Variants in TDRD3 observed in about 807,000 individuals in gnomAD.
The protein encoded by TDRD3 is tudor domain containing 3.
In TDRD3, 45 loss-of-function variants were observed where a neutral mutation model predicts 86.7. That is an observed-to-expected ratio of 0.52 (90% CI 0.41 to 0.67). The LOEUF (loss-of-function observed/expected upper bound fraction) is 0.67. Ranked by LOEUF, TDRD3 falls within the 30% of genes least tolerant of loss-of-function variation. The pLI is 0.00. For missense variants in TDRD3, 814 were observed against 889.0 expected (o/e 0.92, Z 1.07); for synonymous variants, 298 against 301.7 (o/e 0.99, Z 0.13).
intron 10 of TDRD3, among the ~76,000 whole-genome samples, chr13:60,526,621 T>G (rs1288332344): frequency 1.3e-5 from 2 of 151,960 alleles, no homozygotes; most frequent in Non-Finnish European, 2.9e-5. Flanking sequence ...GGAAAGTTTT[T>G]TTTTTTTTTT....
At chr13:60,489,908 A>G (rs1956543477) in intron 7 of TDRD3, among the ~76,000 whole-genome samples, 1 of 152,172 alleles carries the variant, frequency 6.6e-6, no homozygotes, top group African/African-American at 2.4e-5. Flanking sequence ...TCTCAAATGA[A>G]CTTTTCTACC....
At chr13:60,479,411 C>T (rs1871045191) in intron 5 of TDRD3, among the ~76,000 whole-genome samples, 1 of 152,160 alleles carries the variant, frequency 6.6e-6, no homozygotes, top group Admixed American at 6.5e-5. Flanking sequence ...TGCTCTGTGG[C>T]CAAGCATTTG....
chr13:60,453,392 CA>C (rs1325674032), intron 3 of TDRD3, among the ~76,000 whole-genome samples: 2 of 152,184 alleles, frequency 1.3e-5, no homozygotes, highest in African/African-American at 4.8e-5. Flanking sequence ...GGTTACCAAT[CA>C]ATACATATAT....
chr13:60,442,980 A>C (rs1193160324), intron 2 of TDRD3, among the ~76,000 whole-genome samples: 1 of 152,056 alleles, frequency 6.6e-6, no homozygotes, highest in Non-Finnish European at 1.5e-5. Context: ...GATATATTAT[A>C]AAATTTGTAT....
intron 10 of TDRD3, among the ~76,000 whole-genome samples, chr13:60,520,706 T>C (rs1322470575): frequency 6.6e-6 from 1 of 152,322 alleles, no homozygotes; most frequent in South Asian, 2.1e-4. Context: ...TGCTTTCATA[T>C]AGAGTGACTA....
chr13:60,430,462 A>G (rs1167150865), intron 1 of TDRD3, among the ~76,000 whole-genome samples: 1 of 152,198 alleles, frequency 6.6e-6, no homozygotes, highest in Admixed American at 6.5e-5. Flanking sequence ...GTAATCTCAC[A>G]TCTTAAAATC....
At chr13:60,419,692 A>C (rs1193254800) in intron 1 of TDRD3, among the ~76,000 whole-genome samples, 2 of 152,110 alleles carry the variant, frequency 1.3e-5, no homozygotes, top group Non-Finnish European at 2.9e-5. Flanking sequence ...TGTGGGGCTT[A>C]AAACCTAGAT....
At chr13:60,569,512 C>T (rs571134758) in intron 13 of TDRD3, among the ~76,000 whole-genome samples, 50 of 152,264 alleles carry the variant, frequency 3.3e-4, no homozygotes, top group African/African-American at 1.1e-3. Context: ...AAGCAATCTA[C>T]AGATTTAATG....
Position 60,527,469 on chromosome 13 carries a change from A to T in TDRD3, c.1142-898A>T, listed in dbSNP as rs937517314. On this transcript the variant is annotated intron_variant, in intron 10 of 13. Coordinates refer to ENST00000377881, the MANE Select transcript of TDRD3 (RefSeq NM_001146070.2). The stretch of plus-strand genomic sequence containing the variant: ...TAAGAATAATTACAGCTGCATGTTG[A>T]TTATGATGTATGACAAAGGAAACAA... Among the ~76,000 whole-genome samples, 4 of 152,190 alleles carry T rather than the reference A, an allele frequency of 2.6e-5. 1 individual carries two copies. Among genetic ancestry groups the T allele is most frequent in the Admixed American group, 6.5e-5 (1 of 15,284 alleles).
intron 5 of TDRD3, among the ~76,000 whole-genome samples, chr13:60,473,590 T>C: frequency 6.6e-6 from 1 of 152,038 alleles, no homozygotes; most frequent in East Asian, 1.9e-4. Flanking sequence ...GTGAATATCA[T>C]TAATTATTAG....
At chr13:60,514,563 A>G (rs1445981562) in intron 10 of TDRD3, among the ~76,000 whole-genome samples, 1 of 152,112 alleles carries the variant, frequency 6.6e-6, no homozygotes, top group African/African-American at 2.4e-5. Context: ...CTTAGGGGAG[A>G]TGACATCTAG....
chr13:60,563,321 T>C (rs752635414), intron 12 of TDRD3, among the ~76,000 whole-genome samples: 4 of 151,272 alleles, frequency 2.6e-5, no homozygotes, highest in Non-Finnish European at 5.9e-5. Flanking sequence ...TTTCAGCAAA[T>C]AGAGCCCCCG....
intron 10 of TDRD3, among the ~76,000 whole-genome samples, chr13:60,512,767 G>A (rs1038283780): frequency 6.6e-6 from 1 of 152,192 alleles, no homozygotes; most frequent in Non-Finnish European, 1.5e-5. Context: ...ATGGTCTTGG[G>A]CAGCTCTGCC....
intron 12 of TDRD3, among the ~76,000 whole-genome samples, chr13:60,540,359 G>C (rs955126786): frequency 6.6e-6 from 1 of 152,104 alleles, no homozygotes; most frequent in Admixed American, 6.6e-5. Flanking sequence ...AGTAAAGTTT[G>C]GTTGTGTTAG....
chr13:60,538,000 T>C (rs1344549549), intron 12 of TDRD3: 2 of 152,030 alleles, frequency 1.3e-5, no homozygotes, highest in Non-Finnish European at 2.9e-5. Flanking sequence ...AATCATTAAA[T>C]AGAAAGCATG....
At chr13:60,537,548 A>G (rs1957725401) in intron 12 of TDRD3, 1 of 152,012 alleles carries the variant, frequency 6.6e-6, no homozygotes, top group African/African-American at 2.4e-5. Flanking sequence ...TTTTGGTAAG[A>G]GGAAACTGTA....
intron 5 of TDRD3, among the ~76,000 whole-genome samples, chr13:60,475,710 G>GT (rs1243878158): frequency 6.6e-6 from 1 of 152,102 alleles, no homozygotes; most frequent in Non-Finnish European, 1.5e-5. Flanking sequence ...AGCATTGGTT[G>GT]TTTTTTGACT....
At chr13:60,573,184 C>G (rs942428731) in intron 13 of TDRD3, among the ~76,000 whole-genome samples, 37 of 152,212 alleles carry the variant, frequency 2.4e-4, no homozygotes, top group African/African-American at 8.9e-4. Flanking sequence ...AGGTGACAGA[C>G]CAAAATAAAT....
At chr13:60,455,334 A>G (rs558841009) in intron 3 of TDRD3, among the ~76,000 whole-genome samples, 1 of 152,386 alleles carries the variant, frequency 6.6e-6, no homozygotes, top group Admixed American at 6.5e-5. Context: ...AGGCTTTTAA[A>G]GCAGCTATAG....
Sources: gnomAD v4.1 joint callset for allele counts (sites outside exome capture counted in the v4.1 genomes callset) on GRCh38, gnomAD v4.1.1 for gene constraint, MANE v1.5 for transcripts, NCBI Gene and HGNC (gene_info 2026-07-23, HGNC 2026-07-21) for gene names.